XRCC4: variants seen among roughly 807,000 people sequenced by gnomAD.
XRCC4 encodes the protein DNA repair protein XRCC4.
Under a neutral mutation model 39.1 loss-of-function variants are expected in XRCC4, and 28 were observed. The observed-to-expected ratio is 0.72, with a 90% CI of 0.53 to 0.98. The LOEUF (loss-of-function observed/expected upper bound fraction) is 0.98, where lower values mean the gene tolerates loss of function less well. XRCC4 is among the 50% of genes least tolerant of loss of function. The probability of loss-of-function intolerance (pLI) is 0.00; values close to 1 mark genes in which losing one functional copy is unlikely to be tolerated. For synonymous variants in XRCC4, 123 were observed against 126.4 expected (o/e 0.97, Z 0.18); for missense variants, 350 against 376.4 (o/e 0.93, Z 0.58).
the XRCC4 span, among the ~76,000 whole-genome samples, chr5:83,361,468 A>C: frequency 6.6e-6 from 1 of 152,150 alleles, no homozygotes; most frequent in Non-Finnish European, 1.5e-5. Context: ...GTGCTGAGCC[A>C]TCATGGAACT....
intron 3 of XRCC4, among the ~76,000 whole-genome samples, chr5:83,194,665 A>G (rs954221486): frequency 6.6e-5 from 10 of 152,172 alleles, no homozygotes; most frequent in African/African-American, 2.4e-4. Context: ...ACCCAAAACA[A>G]AAACAAAATC....
chr5:83,311,687 A>G (rs1755713693), intron 7 of XRCC4, among the ~76,000 whole-genome samples: 1 of 152,096 alleles, frequency 6.6e-6, no homozygotes, highest in Non-Finnish European at 1.5e-5. Context: ...CATGGAGCAA[A>G]CATCAGAACA....
At chr5:83,106,188 G>T (rs575196600) in intron 2 of XRCC4, among the ~76,000 whole-genome samples, 10 of 152,024 alleles carry the variant, frequency 6.6e-5, no homozygotes, top group Non-Finnish European at 1.3e-4. Context: ...TTGTCAGCTT[G>T]GTTTTATGTA....
chr5:83,297,181 TTATAC>T (rs1197103159), intron 7 of XRCC4, among the ~76,000 whole-genome samples: 2 of 151,968 alleles, frequency 1.3e-5, no homozygotes, highest in Non-Finnish European at 2.9e-5. Context: ...CAATTTGGAA[TTATAC>T]TAAAAGTGTT....
rs570593865 is a variant in XRCC4 at position 83,196,327 on chromosome 5, G to C, written c.482+391G>C. Among the ~76,000 whole-genome samples, 4 of 152,144 alleles carry C rather than the reference G, an allele frequency of 2.6e-5. No individual in the cohort carries two copies. In the South Asian group the frequency reaches 8.3e-4, roughly 32 times the overall value. ...AATTGATTTCTCATTTGGGCTCAGTGAGTGGCATCTATTTCAAATTACAGT... is the reference window on the plus strand; with the variant it reads ...AATTGATTTCTCATTTGGGCTCAGTCAGTGGCATCTATTTCAAATTACAGT... On this transcript the variant is annotated intron_variant, in intron 4 of 7. Coordinates refer to ENST00000396027, the MANE Select transcript of XRCC4 (RefSeq NM_003401.5).
intron 7 of XRCC4, among the ~76,000 whole-genome samples, chr5:83,337,700 A>G (rs1173171967): frequency 6.6e-6 from 1 of 152,206 alleles, no homozygotes; most frequent in Non-Finnish European, 1.5e-5. Context: ...TTGCAGACTC[A>G]CAGAAAATAC....
At chr5:83,204,698 T>C in intron 5 of XRCC4, 117 bp from the exon 6 acceptor site, 1 of 622,992 alleles carries the variant, frequency 1.6e-6, no homozygotes, top group Non-Finnish European at 2.7e-6. Flanking sequence ...ATTTTCAATA[T>C]GTTTGTCTAA....
intron 1 of XRCC4, among the ~76,000 whole-genome samples, chr5:83,093,401 A>G (rs2112325557): frequency 6.6e-6 from 1 of 152,330 alleles, no homozygotes; most frequent in East Asian, 1.9e-4. Flanking sequence ...ATGGACAGAT[A>G]ATGTCAGAAA....
chr5:83,138,722 A>T (rs10037501), intron 3 of XRCC4, among the ~76,000 whole-genome samples: 1 of 151,790 alleles, frequency 6.6e-6, no homozygotes. Context: ...AATTAAAGGC[A>T]AGTTTCTTTA....
At chr5:83,099,993 G>A (rs1469351580) in intron 1 of XRCC4, among the ~76,000 whole-genome samples, 2 of 152,024 alleles carry the variant, frequency 1.3e-5, no homozygotes, top group African/African-American at 4.8e-5. Context: ...TAGATGTTTT[G>A]TATTTGATAT....
chr5:83,118,540 T>A (rs1313119354), intron 3 of XRCC4, among the ~76,000 whole-genome samples: 1 of 152,196 alleles, frequency 6.6e-6, no homozygotes. Flanking sequence ...ACTATTATGT[T>A]CACCTTTGAG....
intron 6 of XRCC4, among the ~76,000 whole-genome samples, chr5:83,236,818 C>T (rs1198055147): frequency 6.7e-6 from 1 of 149,474 alleles, no homozygotes; most frequent in Non-Finnish European, 1.5e-5. Context: ...AATCACCCAG[C>T]AAGGGACAAA....
chr5:83,245,232 G>T (rs1324911839), intron 6 of XRCC4, among the ~76,000 whole-genome samples: 1 of 146,960 alleles, frequency 6.8e-6, no homozygotes, highest in Non-Finnish European at 1.5e-5. Flanking sequence ...AGGTGTTTTG[G>T]TTAAAAAAAA....
chr5:83,141,630 CT>C (rs1561357998), intron 3 of XRCC4, among the ~76,000 whole-genome samples: 1 of 113,584 alleles, frequency 8.8e-6, no homozygotes, highest in African/African-American at 4.1e-5. Flanking sequence ...TTGTTTGTGT[CT>C]TTTTCCTCTT....
At chr5:83,274,157 C>G (rs938604635) in intron 7 of XRCC4, among the ~76,000 whole-genome samples, 2 of 152,176 alleles carry the variant, frequency 1.3e-5, no homozygotes, top group Admixed American at 1.3e-4. Context: ...CCAACTCTTG[C>G]TCATGTTCAT....
chr5:83,360,044 G>A, the XRCC4 span, among the ~76,000 whole-genome samples: 3 of 152,056 alleles, frequency 2.0e-5, no homozygotes, highest in South Asian at 6.2e-4. Context: ...TGTCAAATAC[G>A]AAGAACTTCA....
At chr5:83,107,980 G>T (rs1746278233) in intron 2 of XRCC4, among the ~76,000 whole-genome samples, 1 of 151,624 alleles carries the variant, frequency 6.6e-6, no homozygotes, top group African/African-American at 2.4e-5. Context: ...GTTATATATA[G>T]GTATCTGAAG....
chr5:83,078,480 AAGAG>A (rs1353078419), intron 1 of XRCC4, among the ~76,000 whole-genome samples: 2 of 152,216 alleles, frequency 1.3e-5, no homozygotes, highest in African/African-American at 2.4e-5. Context: ...GATAGAGAGA[AAGAG>A]AGAAGGTAAC....
At chr5:83,125,852 G>A (rs926006814) in intron 3 of XRCC4, among the ~76,000 whole-genome samples, 16 of 151,960 alleles carry the variant, frequency 1.1e-4, no homozygotes, top group Non-Finnish European at 2.1e-4. Context: ...GTGTGGTGGC[G>A]CATTCCTGTA....
Sources: allele counts gnomAD v4.1 joint callset (sites outside exome capture counted in the v4.1 genomes callset), GRCh38; gene constraint gnomAD v4.1.1; transcripts MANE v1.5; gene names NCBI Gene and HGNC (gene_info 2026-07-23, HGNC 2026-07-21).